The following ARID1B variants were observed in gnomAD, a reference collection of about 807,000 sequenced individuals.
ARID1B encodes the protein AT-rich interaction domain 1B.
Under a neutral mutation model 212.3 loss-of-function variants are expected in ARID1B, and 30 were observed. The ratio of observed to expected loss-of-function variants is 0.14; its 90% CI spans 0.11 to 0.19. ARID1B has a LOEUF of 0.19. ARID1B is among the 10% of genes least tolerant of loss of function. The pLI, the probability that ARID1B is intolerant of heterozygous loss-of-function variation, is 1.00. For synonymous variants in ARID1B, 1,402 were observed against 1,301.7 expected (o/e 1.08, Z -1.66); for missense variants, 2,891 against 3,204.0 (o/e 0.90, Z 2.36).
At position 157,154,009 on chromosome 6, in the gene ARID1B, A is replaced by T. The variant is rs146169272; in HGVS notation, c.3089+5058A>T. Reference sequence around the variant, plus strand: ...GTGCGTGCAGATGTGCACAGGTAGAATAACTTTCCCCCATTCATTCCATGT... The same window carrying T: ...GTGCGTGCAGATGTGCACAGGTAGATTAACTTTCCCCCATTCATTCCATGT... On this transcript the variant is annotated intron_variant, in intron 8 of 19. Transcript: ENST00000636930. 5.1e-3 allele frequency among the ~76,000 whole-genome samples: 782 copies of T among 152,348 alleles called. 6 individuals carry two copies. The highest frequency in any genetic ancestry group is 0.018 in the African/African-American group (732 of 41,574).
Position 157,206,907 on chromosome 6 carries a change from G to A in ARID1B, c.6135G>A (p.Glu2045=). The A allele has an allele frequency of 8.1e-6, 13 of 1,614,166 alleles. No homozygotes were observed. Among genetic ancestry groups the A allele is most frequent in the South Asian group, 1.1e-5 (1 of 91,082 alleles). Residue 2045 remains glutamate, a synonymous_variant, in exon 20 of 20, where the codon GAG becomes GAA. Transcript: ENST00000636930. This position sits in a 1 kb window ranked among gnomAD's most constrained non-coding sequence, Gnocchi z 6.8. ...SHRNIKLLED[E]PRSRDETPLC... ...GGAACATCAAGCTGCTGGAGGACGA[G>A]CCCAGGAGCCGAGACGAGACTCCTC... is the stretch of plus-strand genomic sequence containing the variant.
Position 157,133,174 on chromosome 6 carries a change from T to TA in ARID1B, c.2729dup (p.Tyr910Ter), listed in dbSNP as rs1314750809. 6.2e-7 allele frequency: 1 copy of TA among 1,613,552 alleles called. No individual in the cohort carries two copies. Among genetic ancestry groups the TA allele is most frequent in the Non-Finnish European group, 8.5e-7 (1 of 1,179,846 alleles). The change falls in exon 7 of 20, where the codon TAC becomes TAAC. Residue 910 changes from tyrosine (Y) to a stop codon, truncating the protein, a stop_gained and frameshift_variant. Transcript: ENST00000636930. LOFTEE classifies it high-confidence loss of function. The part of the protein sequence containing the change: ...SFQQSNSSGT[Y>*]GPQMSQYGPQ... ...TCAGCAGAGTAACTCAAGTGGGACTTACGGTCCACAGATGAGCCAGTATGG... is the reference window on the plus strand; with the variant it reads ...TCAGCAGAGTAACTCAAGTGGGACTTAACGGTCCACAGATGAGCCAGTATGG...
intron 5 of ARID1B, among the ~76,000 whole-genome samples, chr6:157,104,885 A>G (rs1269292922): frequency 1.3e-5 from 2 of 152,250 alleles, no homozygotes; most frequent in East Asian, 3.8e-4. Flanking sequence ...AAGTTCATAT[A>G]GAAAAACATG....
intron 6 of ARID1B, among the ~76,000 whole-genome samples, chr6:157,121,085 A>G (rs1243776838): frequency 2.0e-5 from 3 of 152,212 alleles, no homozygotes; most frequent in Non-Finnish European, 2.9e-5. Flanking sequence ...GGAAAAGAAT[A>G]CACGATTGGA....
Position 157,064,642 on chromosome 6 carries a change from C to G in ARID1B, c.2248-20020C>G, listed in dbSNP as rs919972073. Among the ~76,000 whole-genome samples the G allele has an allele frequency of 4.6e-5, 7 of 152,312 alleles. 1 individual carries two copies. Among genetic ancestry groups the G allele is most frequent in the Admixed American group, 4.6e-4 (7 of 15,294 alleles). ...TCGCCGAGAACACTTCCAAATGCAC[C>G]TTTAGCTGCTGCACCTGACGAGTGT... On this transcript the variant is annotated intron_variant, in intron 4 of 19. Coordinates refer to ENST00000636930, the MANE Select transcript of ARID1B (RefSeq NM_001374828.1).
At chr6:157,034,119 A>G in intron 4 of ARID1B, among the ~76,000 whole-genome samples, 1 of 152,364 alleles carries the variant, frequency 6.6e-6, no homozygotes, top group African/African-American at 2.4e-5. Flanking sequence ...AAAAAGAAAA[A>G]TAACACAATG....
chr6:156,997,659 GTTT>G (rs60189073), intron 4 of ARID1B, among the ~76,000 whole-genome samples: 13 of 127,022 alleles, frequency 1.0e-4, no homozygotes, highest in African/African-American at 3.0e-4. Flanking sequence ...ATTTTAACTT[GTTT>G]TTTTTTTTTT....
intron 1 of ARID1B, among the ~76,000 whole-genome samples, chr6:156,795,535 C>A (rs887185821): frequency 6.6e-6 from 1 of 152,112 alleles, no homozygotes; most frequent in Non-Finnish European, 1.5e-5. Flanking sequence ...GTTAAAAGAA[C>A]AGATGTAAGG....
chr6:156,970,929 C>A (rs1427143813), intron 4 of ARID1B, among the ~76,000 whole-genome samples: 1 of 152,222 alleles, frequency 6.6e-6, no homozygotes, highest in African/African-American at 2.4e-5. Context: ...AAGTATAGGT[C>A]TGATCTTCTT....
chr6:157,018,412 C>A (rs1780038561), intron 4 of ARID1B, among the ~76,000 whole-genome samples: 1 of 152,012 alleles, frequency 6.6e-6, no homozygotes, highest in Non-Finnish European at 1.5e-5. Context: ...GACAGAGTTT[C>A]ACCATATTGG....
chr6:157,069,539 T>C (rs1783884117), intron 4 of ARID1B, among the ~76,000 whole-genome samples: 1 of 152,224 alleles, frequency 6.6e-6, no homozygotes, highest in Non-Finnish European at 1.5e-5. Context: ...TCCTCACCAA[T>C]GTAAAGTGAG....
chr6:156,927,790 A>C (rs13219041), intron 3 of ARID1B, among the ~76,000 whole-genome samples: 20 of 152,338 alleles, frequency 1.3e-4, no homozygotes, highest in Non-Finnish European at 2.6e-4. Flanking sequence ...CCTAGAAACC[A>C]TTCAGTCATT....
At chr6:156,850,602 T>C (rs1226819628) in intron 2 of ARID1B, among the ~76,000 whole-genome samples, 1 of 152,214 alleles carries the variant, frequency 6.6e-6, no homozygotes, top group South Asian at 2.1e-4. Context: ...GTAATTAGTG[T>C]AATTTCTCAA....
intron 8 of ARID1B, chr6:157,166,582 C>T (rs139323252): frequency 1.5e-4 from 23 of 152,554 alleles, no homozygotes; most frequent in African/African-American, 4.6e-4. Flanking sequence ...TTCATTATAT[C>T]AGAAAATTTA....
rs56189333 is a variant in ARID1B, at chr6:156,987,159, CAGAGAGAGAGAGAGAGAG to C, written c.2247+51605_2247+51622del. Among the ~76,000 whole-genome samples, 450 of 141,622 alleles carry C rather than the reference CAGAGAGAGAGAGAGAGAG, an allele frequency of 3.2e-3. 4 individuals are homozygous for C. Among genetic ancestry groups the C allele is most frequent in the African/African-American group, 0.011 (423 of 37,646 alleles). The allele number at this position is 141,622 out of a possible 152,430, so 92.9% of individuals were successfully genotyped here. ...TGCCACTTCACTGTAGCCTCGGTGA[CAGAGAGAGAGAGAGAGAG>C]AGAGAGAGAGAGAGAGAGAGACCCT... On this transcript the variant is annotated intron_variant, in intron 4 of 19. Transcript: ENST00000636930.
intron 19 of ARID1B, chr6:157,205,603 T>C (rs1224805134): frequency 1.3e-5 from 2 of 152,374 alleles, no homozygotes; most frequent in African/African-American, 4.8e-5. Context: ...GTTCATGAGC[T>C]ACCACATTGC....
chr6:156,979,685 G>A (rs1777492575), intron 4 of ARID1B, among the ~76,000 whole-genome samples: 1 of 151,922 alleles, frequency 6.6e-6, no homozygotes, highest in Admixed American at 6.6e-5. Flanking sequence ...AGCCTCCTGA[G>A]GAGCTGGGAC....
intron 3 of ARID1B, among the ~76,000 whole-genome samples, chr6:156,913,149 AC>A (rs1790039768): frequency 2.0e-5 from 3 of 151,286 alleles, no homozygotes; most frequent in African/African-American, 7.3e-5. Context: ...ATTAACATAT[AC>A]ATTACCTCAC....
chr6:157,059,149 A>G (rs1396494666), intron 4 of ARID1B, among the ~76,000 whole-genome samples: 2 of 152,064 alleles, frequency 1.3e-5, no homozygotes, highest in African/African-American at 4.8e-5. Flanking sequence ...AAGAGACGAT[A>G]TATTGATTAG....
Sources: gnomAD v4.1 joint callset for allele counts (sites outside exome capture counted in the v4.1 genomes callset) on GRCh38, gnomAD v4.1.1 for gene constraint, Gnocchi (gnomAD v3.1) non-coding constraint, MANE v1.5 for transcripts, NCBI Gene and HGNC (gene_info 2026-07-23, HGNC 2026-07-21) for gene names.